TLL2: variants seen among roughly 807,000 people sequenced by gnomAD.
TLL2 encodes the protein tolloid-like protein 2.
TLL2 carries 106 observed loss-of-function variants against 123.0 expected under a neutral mutation model. That is an observed-to-expected ratio of 0.86 (90% confidence interval 0.74 to 1.01). The LOEUF (loss-of-function observed/expected upper bound fraction) is 1.01, where lower values mean the gene tolerates loss of function less well. Among genes scored for constraint, TLL2 ranks in the 50% least tolerant of loss-of-function variants. The pLI is 0.00. For synonymous variants in TLL2, 494 were observed against 516.8 expected (o/e 0.96, Z 0.60); for missense variants, 1,332 against 1,336.7 (o/e 1.00, Z 0.06).
At position 96,368,141 on chromosome 10, in the gene TLL2, G is replaced by A. The variant is rs1846046923; in HGVS notation, c.2995C>T (p.His999Tyr). The A allele has an allele frequency of 2.5e-6, 4 of 1,614,138 alleles. No homozygotes were observed. Among genetic ancestry groups the A allele is most frequent in the Non-Finnish European group, 3.4e-6 (4 of 1,180,052 alleles). The change falls in exon 21 of 21, where the codon CAT becomes TAT. Residue 999 changes from histidine to tyrosine, a missense_variant. Physicochemically the swap from His to Tyr is moderately conservative, Grantham distance 83 (BLOSUM62 2). Coordinates refer to ENST00000357947, the MANE Select transcript of TLL2 (RefSeq NM_012465.4). ...TDDTINKKGF[H>Y]ARYTSTKFQD... ...AACTTGGTGCTGGTGTATCGGGCAT[G>A]AAAGCCTTTCTTGTTGATGGTGTCA...
chr10:96,386,844 A>G (rs1246058186), intron 14 of TLL2, 109 bp downstream of exon 14: 80 of 1,507,218 alleles, frequency 5.3e-5, no homozygotes, highest in Non-Finnish European at 7.0e-5. Context: ...ATGTCTGCCC[A>G]TTGCCCATCG....
chr10:96,455,554 C>A (rs1400554496), intron 2 of TLL2, among the ~76,000 whole-genome samples: 1 of 152,122 alleles, frequency 6.6e-6, no homozygotes, highest in African/African-American at 2.4e-5. Context: ...GAAGCCGGCC[C>A]AAACCTACCA....
rs573561667 is a variant in TLL2, at chr10:96,467,717, C to T, written c.286+12632G>A. Among the ~76,000 whole-genome samples, 52 of 152,156 alleles carry T rather than the reference C, an allele frequency of 3.4e-4. 1 individual carries two copies. The South Asian group carries it at 5.2e-3, about 15-fold the overall frequency. On this transcript the variant is annotated intron_variant, in intron 2 of 20. Transcript: ENST00000357947. ...TTAGATATCAACTACTATTTAAGAA[C>T]AAGAAACATAGAACTCCATTCAATA... is the stretch of plus-strand genomic sequence containing the variant.
intron 1 of TLL2, among the ~76,000 whole-genome samples, chr10:96,488,955 C>T (rs1847384726): frequency 6.6e-6 from 1 of 152,178 alleles, no homozygotes; most frequent in Admixed American, 6.5e-5. Context: ...TTCTTCATAG[C>T]AGAGGTCCTT....
At chr10:96,474,346 C>G (rs1440236259) in intron 2 of TLL2, among the ~76,000 whole-genome samples, 1 of 152,196 alleles carries the variant, frequency 6.6e-6, no homozygotes, top group East Asian at 1.9e-4. Flanking sequence ...TTTAATAGCA[C>G]CATCTACCCA....
At chr10:96,386,349 G>C in intron 14 of TLL2, 134 bp from the exon 15 acceptor site, 1 of 921,524 alleles carries the variant, frequency 1.1e-6, no homozygotes, top group South Asian at 2.7e-5. Flanking sequence ...GATTAATTCA[G>C]TGTCCTTTGT....
intron 10 of TLL2, among the ~76,000 whole-genome samples, chr10:96,404,197 T>A (rs531494755): frequency 1.4e-4 from 21 of 152,186 alleles, no homozygotes; most frequent in South Asian, 2.1e-4. Flanking sequence ...CTGTGTCTTA[T>A]TTCTTTTCTC....
intron 4 of TLL2, among the ~76,000 whole-genome samples, chr10:96,431,162 A>C (rs1846735161): frequency 2.0e-5 from 3 of 152,338 alleles, no homozygotes; most frequent in South Asian, 4.1e-4. Flanking sequence ...ATACCAAGGA[A>C]CAAAAGTCTG....
intron 4 of TLL2, among the ~76,000 whole-genome samples, chr10:96,429,046 G>A (rs564414207): frequency 6.6e-6 from 1 of 152,034 alleles, no homozygotes; most frequent in South Asian, 2.1e-4. Flanking sequence ...CAGGTGATCC[G>A]CCAGCCTCAG....
At chr10:96,445,162 C>A (rs1589424217) in intron 3 of TLL2, among the ~76,000 whole-genome samples, 1 of 152,248 alleles carries the variant, frequency 6.6e-6, no homozygotes, top group East Asian at 1.9e-4. Flanking sequence ...GCACTCCAGC[C>A]TGGGCGACAG....
intron 3 of TLL2, among the ~76,000 whole-genome samples, chr10:96,445,703 G>A (rs1160916218): frequency 6.6e-6 from 1 of 152,192 alleles, no homozygotes; most frequent in Non-Finnish European, 1.5e-5. Flanking sequence ...AGAGAGCAGA[G>A]TTTATCTGAG....
chr10:96,414,303 G>A (rs1374103346), intron 7 of TLL2, among the ~76,000 whole-genome samples: 1 of 151,922 alleles, frequency 6.6e-6, no homozygotes, highest in Non-Finnish European at 1.5e-5. Flanking sequence ...ATAAAGTATT[G>A]TCTCCATTCC....
At position 96,395,299 on chromosome 10, in the gene TLL2, A is replaced by T; in HGVS notation, c.1614T>A (p.Phe538Leu). ...CATCCTCCGGCTTCTCATAGCCACAAAAGTGGCCGATCAGGGCACTCTCTT... is the reference window on the plus strand; with the variant it reads ...CATCCTCCGGCTTCTCATAGCCACATAAGTGGCCGATCAGGGCACTCTCTT... ...PTEESALIGH[F>L]CGYEKPEDVK... The change falls in exon 13 of 21, where the codon TTT becomes TTA. Residue 538 changes from phenylalanine to leucine, a missense_variant. By Grantham distance (22) the Phe-to-Leu change is conservative (BLOSUM62 0). Coordinates refer to ENST00000357947, the MANE Select transcript of TLL2 (RefSeq NM_012465.4). The T allele has an allele frequency of 6.2e-7, 1 of 1,614,046 alleles. No individual in the cohort carries two copies. Among genetic ancestry groups the T allele is most frequent in the Non-Finnish European group, 8.5e-7 (1 of 1,179,998 alleles).
At chr10:96,398,295 T>C (rs1002488375) in intron 10 of TLL2, among the ~76,000 whole-genome samples, 3 of 152,170 alleles carry the variant, frequency 2.0e-5, no homozygotes, top group Admixed American at 2.0e-4. Context: ...GGAAGCCCAG[T>C]AGCCTGTATC....
intron 2 of TLL2, among the ~76,000 whole-genome samples, chr10:96,462,387 AAGT>A (rs1847089047): frequency 6.6e-6 from 1 of 152,206 alleles, no homozygotes; most frequent in South Asian, 2.1e-4. Flanking sequence ...TCATTACTTG[AAGT>A]AGTTATGTTC....
intron 17 of TLL2, 52 bp downstream of exon 17, chr10:96,378,915 G>C: frequency 1.2e-6 from 2 of 1,606,994 alleles, no homozygotes; most frequent in Non-Finnish European, 1.7e-6. Flanking sequence ...CAGGGGCATG[G>C]GGTGCGGCGA....
In TLL2 at chr10:96,426,651, A is replaced by G. The variant is rs114046025; in HGVS notation, c.638+1980T>C. On this transcript the variant is annotated intron_variant, in intron 5 of 20. Coordinates refer to ENST00000357947, the MANE Select transcript of TLL2 (RefSeq NM_012465.4). ...ACTTTCACATTATCCACATTTTCAC[A>G]CTTCTTGCCCTAGAGTTTTGCAAAC... 7.7e-3 allele frequency among the ~76,000 whole-genome samples: 1,175 copies of G among 152,206 alleles called. 15 individuals are homozygous for G. Among genetic ancestry groups the G allele is most frequent in the African/African-American group, 0.026 (1,088 of 41,548 alleles).
At chr10:96,420,602 T>G (rs1273715469) in intron 7 of TLL2, among the ~76,000 whole-genome samples, 1 of 152,178 alleles carries the variant, frequency 6.6e-6, no homozygotes, top group Non-Finnish European at 1.5e-5. Context: ...CTAGGAGAAT[T>G]GGTGAGCACC....
intron 1 of TLL2, among the ~76,000 whole-genome samples, chr10:96,508,111 T>A (rs1179011193): frequency 2.6e-5 from 4 of 152,118 alleles, no homozygotes; most frequent in Non-Finnish European, 5.9e-5. Context: ...GAGACAAGCT[T>A]CCAGGAGGCA....
Sources: gnomAD v4.1 joint callset for allele counts (sites outside exome capture counted in the v4.1 genomes callset) on GRCh38, gnomAD v4.1.1 for gene constraint, MANE v1.5 for transcripts, NCBI Gene and HGNC (gene_info 2026-07-23, HGNC 2026-07-21) for gene names.